Variants in C3orf20 observed in about 807,000 individuals in gnomAD.
The protein encoded by C3orf20 is family with sequence similarity 149 member C, also known as uncharacterized protein C3orf20.
C3orf20 carries 76 observed loss-of-function variants against 88.3 expected under a neutral mutation model. That is an observed-to-expected ratio of 0.86 (90% CI 0.72 to 1.04). C3orf20 has a LOEUF of 1.04. Ranked by LOEUF, C3orf20 falls within the 50% of genes least tolerant of loss-of-function variation. The pLI, the probability that C3orf20 is intolerant of heterozygous loss-of-function variation, is 0.00. For missense variants in C3orf20, 1,056 were observed against 1,123.3 expected (o/e 0.94, Z 0.86); for synonymous variants, 436 against 437.4 (o/e 1.00, Z 0.04).
chr3:14,676,835 T>C (rs911360085), intron 1 of C3orf20, among the ~76,000 whole-genome samples: 3 of 152,222 alleles, frequency 2.0e-5, no homozygotes, highest in Non-Finnish European at 4.4e-5. Context: ...TGGCTTCTCA[T>C]GAAGTTAAGC....
chr3:14,707,417 A>G (rs997000352), intron 7 of C3orf20, among the ~76,000 whole-genome samples: 1 of 150,186 alleles, frequency 6.7e-6, no homozygotes, highest in Non-Finnish European at 1.5e-5. Flanking sequence ...ATGTTTACCT[A>G]ATGACGAATG....
intron 10 of C3orf20, chr3:14,722,139 C>T: frequency 6.9e-6 from 2 of 289,446 alleles, no homozygotes; most frequent in Admixed American, 4.4e-5. Context: ...CTTGGCTCTG[C>T]TTTCCTCTTT....
intron 1 of C3orf20, among the ~76,000 whole-genome samples, chr3:14,680,571 T>C (rs1245732771): frequency 6.6e-6 from 1 of 152,170 alleles, no homozygotes; most frequent in Non-Finnish European, 1.5e-5. Flanking sequence ...TTGATAGTAA[T>C]GGTTATACAA....
chr3:14,746,839 C>A (rs1185368285), intron 12 of C3orf20, among the ~76,000 whole-genome samples: 1 of 152,198 alleles, frequency 6.6e-6, no homozygotes. Context: ...GTTGGAAGAA[C>A]TGATTTTACA....
At chr3:14,745,996 A>C (rs1391964680) in intron 12 of C3orf20, among the ~76,000 whole-genome samples, 3 of 152,168 alleles carry the variant, frequency 2.0e-5, no homozygotes, top group Non-Finnish European at 2.9e-5. Flanking sequence ...GTCACTTCCC[A>C]TTCTCCCTTC....
At chr3:14,750,223 T>C (rs1046832485) in intron 12 of C3orf20, among the ~76,000 whole-genome samples, 2 of 152,186 alleles carry the variant, frequency 1.3e-5, no homozygotes, top group African/African-American at 4.8e-5. Flanking sequence ...ACTTTCTCCT[T>C]CATTTTTGAA....
At chr3:14,735,316 T>A (rs1041648364) in intron 12 of C3orf20, among the ~76,000 whole-genome samples, 1 of 151,832 alleles carries the variant, frequency 6.6e-6, no homozygotes, top group East Asian at 1.9e-4. Context: ...TTTTGCCTGA[T>A]TGTGTATTAA....
intron 12 of C3orf20, among the ~76,000 whole-genome samples, chr3:14,729,787 C>G (rs2034475954): frequency 1.3e-5 from 2 of 152,228 alleles, no homozygotes; most frequent in Admixed American, 6.5e-5. Flanking sequence ...CTCATGTGAT[C>G]CACCCGCCTG....
chr3:14,715,430 T>G (rs755116625), intron 9 of C3orf20, 21 bp downstream of exon 9: 1 of 1,604,512 alleles, frequency 6.2e-7, no homozygotes, highest in Non-Finnish European at 8.5e-7. Context: ...GCAGCACAGG[T>G]TGGGTGGCAG....
intron 14 of C3orf20, 148 bp from the exon 15 acceptor site, chr3:14,761,325 C>T (rs1295693164): frequency 4.4e-6 from 4 of 901,256 alleles, no homozygotes; most frequent in African/African-American, 3.3e-5. Flanking sequence ...AGCACTCCTT[C>T]CCCAGCCACC....
At chr3:14,682,391 C>T in intron 2 of C3orf20, 60 bp downstream of exon 2, 1 of 306,664 alleles carries the variant, frequency 3.3e-6, no homozygotes, top group Non-Finnish European at 6.0e-6. Flanking sequence ...CCCCAGGGTC[C>T]TATACCCAGT....
At position 14,759,894 on chromosome 3, in the gene C3orf20, C is replaced by T. The variant is rs377234320; in HGVS notation, c.2248C>T (p.Arg750Trp). 60 of 1,613,196 alleles carry T rather than the reference C, an allele frequency of 3.7e-5. No individual in the cohort carries two copies. Among genetic ancestry groups the T allele is most frequent in the East Asian group, 3.3e-4 (15 of 44,896 alleles). ...RGRGSPCIQC[R>W]YDSYRLLQYD... ...TCTCATATTTCTCTCCTGGTAGTGC[C>T]GGTATGACTCCTACCGCCTGCTGCA... The change falls in exon 14 of 17, where the codon CGG (arginine) becomes TGG (tryptophan). Residue 750 changes from arginine to tryptophan, a missense_variant. Transcript: ENST00000253697.
At chr3:14,736,086 A>G (rs966214597) in intron 12 of C3orf20, among the ~76,000 whole-genome samples, 2 of 152,142 alleles carry the variant, frequency 1.3e-5, no homozygotes, top group African/African-American at 4.8e-5. Context: ...AAGTTTTTCA[A>G]AATATTCTCT....
intron 13 of C3orf20, among the ~76,000 whole-genome samples, chr3:14,759,000 C>T (rs1345097292): frequency 1.3e-5 from 2 of 152,190 alleles, no homozygotes; most frequent in East Asian, 1.9e-4. Context: ...TGGGGCTAGT[C>T]GTTGTTCGCT....
intron 5 of C3orf20, among the ~76,000 whole-genome samples, chr3:14,694,991 A>G (rs1418572072): frequency 1.3e-5 from 2 of 152,140 alleles, no homozygotes; most frequent in Non-Finnish European, 2.9e-5. Context: ...GGGTTTCACC[A>G]TGTTGACCAG....
intron 12 of C3orf20, among the ~76,000 whole-genome samples, chr3:14,733,833 C>G (rs1223699414): frequency 6.6e-6 from 1 of 152,066 alleles, no homozygotes; most frequent in Non-Finnish European, 1.5e-5. Flanking sequence ...CAATTACAGG[C>G]ATGCACCACC....
intron 4 of C3orf20, among the ~76,000 whole-genome samples, chr3:14,685,893 C>T (rs1408231139): frequency 8.2e-5 from 11 of 133,768 alleles, no homozygotes; most frequent in South Asian, 4.7e-4. Flanking sequence ...GACGGAGTCT[C>T]GCTCTGTTGC....
At chr3:14,680,544 A>G (rs2032032576) in intron 1 of C3orf20, among the ~76,000 whole-genome samples, 2 of 152,178 alleles carry the variant, frequency 1.3e-5, no homozygotes. Context: ...TGTGGGGGCA[A>G]TAGAATGTTC....
chr3:14,746,296 C>T (rs1404466042), intron 12 of C3orf20, among the ~76,000 whole-genome samples: 1 of 152,026 alleles, frequency 6.6e-6, no homozygotes, highest in South Asian at 2.1e-4. Flanking sequence ...AACTGGCAAA[C>T]TCTGATTGAT....
Sources: allele counts gnomAD v4.1 joint callset (sites outside exome capture counted in the v4.1 genomes callset), GRCh38; gene constraint gnomAD v4.1.1; transcripts MANE v1.5; gene names NCBI Gene and HGNC (gene_info 2026-07-23, HGNC 2026-07-21).